MINK1: variants seen among roughly 807,000 people sequenced by gnomAD.
The protein encoded by MINK1 is misshapen like kinase 1.
Under a neutral mutation model 178.4 loss-of-function variants are expected in MINK1, and 46 were observed. The observed-to-expected ratio is 0.26, with a 90% CI of 0.20 to 0.33. The LOEUF is 0.33. Among genes scored for constraint, MINK1 ranks in the 10% least tolerant of loss-of-function variants. The pLI is 1.00. For missense variants in MINK1, 1,366 were observed against 1,814.9 expected (o/e 0.75, Z 4.49); for synonymous variants, 797 against 709.7 (o/e 1.12, Z -1.96).
chr17:4,865,153 G>A (rs896475224), intron 1 of MINK1, among the ~76,000 whole-genome samples: 6 of 152,034 alleles, frequency 3.9e-5, no homozygotes, highest in Non-Finnish European at 5.9e-5. Flanking sequence ...ACACTGGGCC[G>A]GGCGCGGTGG....
chr17:4,895,095 A>T lies in MINK1; in HGVS notation c.2938A>T (p.Thr980Ser). Residue 980 changes from threonine (T) to serine (S), a missense_variant, in exon 25 of 32, where the codon ACT becomes TCT. This residue lies in a region of MINK1 where 709 missense variants were observed against 692.3 expected (regional missense o/e 1.02). Coordinates refer to ENST00000355280, the MANE Select transcript of MINK1 (RefSeq NM_153827.5). The surrounding 1 kb of genome is among the most constrained non-coding windows in gnomAD (Gnocchi z 4.3). ...PITALVGGEG[T>S]RLDQLQYDVR... Reference sequence around the variant, plus strand: ...GGCAGCCCTAGTGGGTGGAGAGGGCACTCGGCTCGACCAGCTGCAGTACGA... The same window carrying T: ...GGCAGCCCTAGTGGGTGGAGAGGGCTCTCGGCTCGACCAGCTGCAGTACGA... 1 of 1,613,512 alleles carries T rather than the reference A, an allele frequency of 6.2e-7. No individual in the cohort carries two copies. Among genetic ancestry groups the T allele is most frequent in the Non-Finnish European group, 8.5e-7 (1 of 1,179,980 alleles).
rs765417119 is a variant in MINK1 at position 4,892,189 on chromosome 17, C to T, written c.2042C>T (p.Thr681Ile). The T allele has an allele frequency of 1.2e-5, 20 of 1,600,942 alleles. No homozygotes were observed. In the Admixed American group the frequency reaches 3.4e-4, roughly 27 times the overall value. Residue 681 changes from threonine to isoleucine, a missense_variant, in exon 17 of 32, where the codon ACC (threonine) becomes ATC (isoleucine). Physicochemically the swap from Thr to Ile is moderately conservative, Grantham distance 89 (BLOSUM62 -1). This residue lies in a region of MINK1 where 709 missense variants were observed against 692.3 expected (regional missense o/e 1.02). Transcript: ENST00000355280. ...TCATCTATCGCCACTGCCCTTAACA[C>T]CAGTGGGGCCGGAGGGTCCCGGCCA... ...RTSSIATALN[T>I]SGAGGSRPAQ...
At chr17:4,870,971 C>A in intron 1 of MINK1, 1 of 224,790 alleles carries the variant, frequency 4.4e-6, no homozygotes, top group Non-Finnish European at 9.9e-6. Flanking sequence ...CAGTCATTGC[C>A]CATCTTCTCC....
chr17:4,860,962 C>T (rs897582993), intron 1 of MINK1, among the ~76,000 whole-genome samples: 1 of 152,186 alleles, frequency 6.6e-6, no homozygotes, highest in Non-Finnish European at 1.5e-5. Context: ...AGCTCGTGCC[C>T]TCCCCTTGCC....
At chr17:4,879,911 A>C (rs1967541228) in intron 2 of MINK1, among the ~76,000 whole-genome samples, 1 of 152,132 alleles carries the variant, frequency 6.6e-6, no homozygotes, top group Non-Finnish European at 1.5e-5. Flanking sequence ...TCCTGTCCAG[A>C]GTTGGTGAGT....
chr17:4,891,203 C>CACACACACAT lies in MINK1; in HGVS notation c.1740+88_1740+89insTACACACACA, dbSNP rs1968773102. On this transcript the variant is annotated intron_variant, in intron 15 of 31. Transcript: ENST00000355280. The stretch of plus-strand genomic sequence containing the variant: ...GCACAGGTACACACACACGCGCGCA[C>CACACACACAT]ACACACACACACACACACACACCTG... 15 of 421,934 alleles carry CACACACACAT rather than the reference C, an allele frequency of 3.6e-5. No individual in the cohort carries two copies. The East Asian group carries it at 4.5e-4, about 13-fold the overall frequency. 26.1% of individuals were successfully genotyped at this position (421,934 alleles called of 1,614,324 possible).
At position 4,887,480 on chromosome 17, in the gene MINK1, T is replaced by C. The variant is rs1290421150; in HGVS notation, c.1020-100T>C. ...CTGGGAGTGGCCAGAGGCAGAGGCTTTGATCCAGTTAAAGCACCCACTCAG... is the reference window on the plus strand; with the variant it reads ...CTGGGAGTGGCCAGAGGCAGAGGCTCTGATCCAGTTAAAGCACCCACTCAG... On this transcript the variant is annotated intron_variant, in intron 11 of 31. Transcript: ENST00000355280. The surrounding 1 kb of genome is among the most constrained non-coding windows in gnomAD (Gnocchi z 7.6). 12 of 1,155,458 alleles carry C rather than the reference T, an allele frequency of 1.0e-5. No homozygotes were observed. Among genetic ancestry groups the C allele is most frequent in the Non-Finnish European group, 1.4e-5 (12 of 831,920 alleles). 71.6% of individuals were successfully genotyped at this position (1,155,458 alleles called of 1,614,324 possible).
Position 4,893,566 on chromosome 17 carries a change from G to C in MINK1, c.2533G>C (p.Ala845Pro). ...DDEEEGEGGPAEGSRDTPGGR... is the reference protein window; with the variant it reads ...DDEEEGEGGPPEGSRDTPGGR... ...CGAGGAGGAAGGCGAAGGCGGGCCA[G>C]CAGAGGGGAGCAGAGATACCCCTGG... Residue 845 changes from alanine (A) to proline (P), a missense_variant, in exon 21 of 32, where the codon GCA (alanine) becomes CCA (proline). Around this residue, in one of 14 missense-constraint regions of MINK1, gnomAD observed 709 missense variants for 692.3 expected, o/e 1.02. Coordinates refer to ENST00000355280, the MANE Select transcript of MINK1 (RefSeq NM_153827.5). 1 of 1,568,374 alleles carries C rather than the reference G, an allele frequency of 6.4e-7. No homozygotes were observed. The highest frequency in any genetic ancestry group is 8.7e-7 in the Non-Finnish European group (1 of 1,152,846).
rs760278660 is a variant in MINK1 at position 4,894,082 on chromosome 17, G to A, written c.2659G>A (p.Val887Met). Residue 887 changes from valine (V) to methionine (M), a missense_variant, in exon 22 of 32, where the codon GTG (valine) becomes ATG (methionine). Coordinates refer to ENST00000355280, the MANE Select transcript of MINK1 (RefSeq NM_153827.5). The surrounding 1 kb of genome is among the most constrained non-coding windows in gnomAD (Gnocchi z 4.1). ...GCCCCCATACGGGGGCGGCACCATG[G>A]TGGTCCAGCGCGTGAGTGAGCCTCT... ...TQPPYGGGTMVVQRTPEEERN... is the reference protein window; with the variant it reads ...TQPPYGGGTMMVQRTPEEERN... 2 of 1,589,920 alleles carry A rather than the reference G, an allele frequency of 1.3e-6. No individual in the cohort carries two copies. The highest frequency in any genetic ancestry group is 2.7e-5 in the African/African-American group (2 of 74,240).
At position 4,891,665 on chromosome 17, in the gene MINK1, C is replaced by G. The variant is rs201027643; in HGVS notation, c.1950C>G (p.Pro650=). Residue 650 remains proline, a synonymous_variant, in exon 16 of 32, where the codon CCC becomes CCG. Coordinates refer to ENST00000355280, the MANE Select transcript of MINK1 (RefSeq NM_153827.5). ...NSDPTSEGPG[P]SPNPPAWVRP... is the part of the protein sequence containing the mutation. ...ACCCCACCTCTGAAGGACCTGGCCC[C>G]AGCCCGAATCCCCCAGCCTGGGTCC... 4.8e-4 allele frequency: 769 copies of G among 1,600,584 alleles called. 10 individuals are homozygous for G. In the South Asian group the frequency reaches 7.9e-3, roughly 16 times the overall value.
Position 4,895,193 on chromosome 17 carries a change from G to C in MINK1, c.3036G>C (p.Arg1012=), listed in dbSNP as rs756356495. The C allele has an allele frequency of 6.2e-7, 1 of 1,614,134 alleles. No homozygotes were observed. Among genetic ancestry groups the C allele is most frequent in the Non-Finnish European group, 8.5e-7 (1 of 1,180,032 alleles). The change falls in exon 25 of 32, where the codon CGG becomes CGC. Residue 1012 remains arginine, a synonymous_variant. Transcript: ENST00000355280. This position sits in a 1 kb window ranked among gnomAD's most constrained non-coding sequence, Gnocchi z 4.3. ...CCCACAGTGAGACCCCTGAGATCCG[G>C]AAGTACAAGAAGCGATTCAACTCCG... ...TRAHSETPEI[R]KYKKRFNSEI...
rs1555545738 is a variant in MINK1, at chr17:4,897,991, C to CCCCCCCCCCCCCCT, written c.*705_*706insCCCCCCCCCCCCTC. 2.1e-5 allele frequency: 3 copies of CCCCCCCCCCCCCCT among 145,838 alleles called. No individual in the cohort carries two copies. The highest frequency in any genetic ancestry group is 3.1e-5 in the Non-Finnish European group (2 of 65,150). 9.0% of individuals were successfully genotyped at this position (145,838 alleles called of 1,614,324 possible). A position where few individuals can be genotyped will look rare whatever the true frequency, so the allele number is the denominator to read the frequency against. On this transcript the variant is annotated 3_prime_UTR_variant, in exon 32 of 32. Transcript: ENST00000355280. ...GCAAGTAACCCTTCTCCCTCCCCCC[C>CCCCCCCCCCCCCCT]CACCCCTCCTCAATGTAGTGGCCTT...
chr17:4,885,996 G>A lies in MINK1; in HGVS notation c.694+31G>A, dbSNP rs1275142430. 6.2e-7 allele frequency: 1 copy of A among 1,613,164 alleles called. No homozygotes were observed. Among genetic ancestry groups the A allele is most frequent in the East Asian group, 2.2e-5 (1 of 44,874 alleles). On this transcript the variant is annotated intron_variant, in intron 8 of 31. Transcript: ENST00000355280. This position sits in a 1 kb window ranked among gnomAD's most constrained non-coding sequence, Gnocchi z 5.0. ...TTCTGAGTCTGCCGGGAGTGGGAGGGGAGGGAAAGGAAGGGCCCAGAGAGT... is the reference window on the plus strand; with the variant it reads ...TTCTGAGTCTGCCGGGAGTGGGAGGAGAGGGAAAGGAAGGGCCCAGAGAGT...
rs368346071 is a variant in MINK1 at position 4,894,263 on chromosome 17, C to T, written c.2760C>T (p.Thr920=). The part of the protein sequence containing the change: ...PDVVQPSHSP[T]ENSKGQSPPS... Reference sequence around the variant, plus strand: ...TGGTCCAGCCCAGCCACTCACCCACCGAGAACAGCAAAGGCCAAAGCCCAC... The same window carrying T: ...TGGTCCAGCCCAGCCACTCACCCACTGAGAACAGCAAAGGCCAAAGCCCAC... Residue 920 remains threonine, a synonymous_variant, in exon 23 of 32, where the codon ACC becomes ACT. Transcript: ENST00000355280. The surrounding 1 kb of genome is among the most constrained non-coding windows in gnomAD (Gnocchi z 4.1). The T allele has an allele frequency of 2.5e-5, 41 of 1,613,182 alleles. No individual in the cohort carries two copies. The highest frequency in any genetic ancestry group is 1.6e-4 in the Middle Eastern group (1 of 6,084).
rs201857224 is a variant in MINK1 at position 4,897,197 on chromosome 17, C to T, written c.3916-7C>T. 5.3e-4 allele frequency: 861 copies of T among 1,612,892 alleles called. 2 individuals are homozygous for T. Among genetic ancestry groups the T allele is most frequent in the Non-Finnish European group, 2.2e-4 (263 of 1,179,370 alleles). On this transcript the variant is annotated splice_region_variant and splice_polypyrimidine_tract_variant and intron_variant, in intron 31 of 31. Coordinates refer to ENST00000355280, the MANE Select transcript of MINK1 (RefSeq NM_153827.5). The stretch of plus-strand genomic sequence containing the variant: ...CCCTTGGTGACTTCTTCTCCTGCCC[C>T]ACCCAGGTGTTTTTTGCCTCAGTCC...
At chr17:4,864,047 C>G (rs965259209) in intron 1 of MINK1, among the ~76,000 whole-genome samples, 4 of 152,052 alleles carry the variant, frequency 2.6e-5, no homozygotes, top group Non-Finnish European at 5.9e-5. Flanking sequence ...CCTCGGCCTC[C>G]CAAAGTGCTG....
Position 4,891,210 on chromosome 17 carries a change from A to G in MINK1, c.1740+86A>G, listed in dbSNP as rs977406365. 2.1e-5 allele frequency: 24 copies of G among 1,118,154 alleles called. No individual in the cohort carries two copies. In the African/African-American group the frequency reaches 3.0e-4, roughly 14 times the overall value. The allele number at this position is 1,118,154 out of a possible 1,614,324, so 69.3% of individuals were successfully genotyped here. On this transcript the variant is annotated intron_variant, in intron 15 of 31. Transcript: ENST00000355280. ...TACACACACACGCGCGCACACACAC[A>G]CACACACACACACACCTGCTCAGCC...
intron 1 of MINK1, among the ~76,000 whole-genome samples, chr17:4,843,978 G>T (rs959627695): frequency 6.6e-6 from 1 of 151,990 alleles, no homozygotes; most frequent in Admixed American, 6.6e-5. Context: ...CATGCAACTG[G>T]TATTGTTTTC....
chr17:4,893,646 G>A (rs1471246339), intron 21 of MINK1, 49 bp downstream of exon 21: 2 of 1,497,970 alleles, frequency 1.3e-6, no homozygotes, highest in East Asian at 2.3e-5. Flanking sequence ...CAGGGAGGGA[G>A]GGGAAGTGGC....
Sources: allele counts gnomAD v4.1 joint callset (sites outside exome capture counted in the v4.1 genomes callset), GRCh38; gene constraint gnomAD v4.1.1; regional missense constraint gnomAD v4.1.1; non-coding constraint Gnocchi (gnomAD v3.1); transcripts MANE v1.5; gene names NCBI Gene and HGNC (gene_info 2026-07-23, HGNC 2026-07-21).